CTNNA3: variants seen among roughly 807,000 people sequenced by gnomAD.
CTNNA3 encodes catenin alpha-3.
CTNNA3 carries 76 observed loss-of-function variants against 95.7 expected under a neutral mutation model. That is an observed-to-expected ratio of 0.79 (90% CI 0.66 to 0.96). CTNNA3 has a LOEUF of 0.96. Ranked by LOEUF, CTNNA3 falls within the 40% of genes least tolerant of loss-of-function variation. The pLI is 0.00. For synonymous variants in CTNNA3, 431 were observed against 374.4 expected (o/e 1.15, Z -1.74); for missense variants, 1,191 against 1,089.8 (o/e 1.09, Z -1.31).
chr10:67,375,834 C>T (rs913673791), intron 5 of CTNNA3, among the ~76,000 whole-genome samples: 4 of 152,090 alleles, frequency 2.6e-5, no homozygotes, highest in Admixed American at 1.3e-4. Flanking sequence ...AGGGTGGCTG[C>T]CAACAACAGA....
intron 7 of CTNNA3, among the ~76,000 whole-genome samples, chr10:66,811,383 T>C (rs1004534056): frequency 6.6e-6 from 1 of 152,100 alleles, no homozygotes. Context: ...GGAAAAGAAA[T>C]AGAATCACAG....
chr10:66,464,147 G>C (rs536035196), intron 11 of CTNNA3, among the ~76,000 whole-genome samples: 1 of 152,090 alleles, frequency 6.6e-6, no homozygotes, highest in African/African-American at 2.4e-5. Flanking sequence ...TAAATCCCTA[G>C]GGAACTTTAA....
chr10:67,367,981 G>A (rs1003971961), intron 5 of CTNNA3, among the ~76,000 whole-genome samples: 2 of 152,024 alleles, frequency 1.3e-5, no homozygotes, highest in African/African-American at 2.4e-5. Context: ...CCAAATCTCA[G>A]CATCACACAA....
chr10:67,524,147 T>G (rs1047909870), intron 4 of CTNNA3, among the ~76,000 whole-genome samples: 2 of 152,162 alleles, frequency 1.3e-5, no homozygotes, highest in African/African-American at 4.8e-5. Context: ...CTCACGCCTG[T>G]AATCCCAGCA....
intron 15 of CTNNA3, among the ~76,000 whole-genome samples, chr10:66,014,694 T>C (rs543919978): frequency 7.9e-5 from 12 of 152,296 alleles, no homozygotes; most frequent in African/African-American, 2.6e-4. Context: ...AAATACTTTT[T>C]ACAACTAAGA....
rs930423349 is a variant in CTNNA3, at chr10:66,349,400, C to T, written c.1732+29752G>A. Among the ~76,000 whole-genome samples, 20 of 152,164 alleles carry T rather than the reference C, an allele frequency of 1.3e-4. No individual in the cohort carries two copies. In the South Asian group the frequency reaches 2.9e-3, roughly 22 times the overall value. The stretch of plus-strand genomic sequence containing the variant: ...CAATCAGAGGACACAGTAAGCCATG[C>T]CTGGATTTCTGACACACAAAAACCC... On this transcript the variant is annotated intron_variant, in intron 12 of 17. Transcript: ENST00000433211.
chr10:66,731,046 T>G (rs1848944357), intron 9 of CTNNA3, among the ~76,000 whole-genome samples: 1 of 152,192 alleles, frequency 6.6e-6, no homozygotes, highest in African/African-American at 2.4e-5. Flanking sequence ...TATGGATCAG[T>G]CAAGGGCCAA....
At chr10:66,770,393 A>G (rs1840041777) in intron 8 of CTNNA3, among the ~76,000 whole-genome samples, 1 of 152,210 alleles carries the variant, frequency 6.6e-6, no homozygotes. Context: ...AGAATGCAAT[A>G]TGCCAATATA....
chr10:67,754,470 A>C (rs1282178561), intron 1 of CTNNA3, among the ~76,000 whole-genome samples: 1 of 152,154 alleles, frequency 6.6e-6, no homozygotes, highest in Admixed American at 6.6e-5. Flanking sequence ...AATAAAATAA[A>C]ATTTAAAAAA....
At chr10:66,909,562 T>TGAAATTTCCTTCAGAACAG (rs1745269269) in intron 7 of CTNNA3, among the ~76,000 whole-genome samples, 1 of 151,978 alleles carries the variant, frequency 6.6e-6, no homozygotes, top group Admixed American at 6.6e-5. Flanking sequence ...CGGACACAAA[T>TGAAATTTCCTTCAGAACAG]GAAATTTCCT....
chr10:66,100,998 A>C (rs2081603391), intron 14 of CTNNA3, among the ~76,000 whole-genome samples: 1 of 152,218 alleles, frequency 6.6e-6, no homozygotes, highest in African/African-American at 2.4e-5. Flanking sequence ...CATTCTAAAA[A>C]GAGCCTTAAT....
intron 5 of CTNNA3, among the ~76,000 whole-genome samples, chr10:67,280,169 G>C (rs1472721610): frequency 6.7e-6 from 1 of 150,186 alleles, no homozygotes; most frequent in East Asian, 1.9e-4. Context: ...TCCAAGCACA[G>C]AGTGGAACCC....
chr10:66,673,025 A>T (rs1245112566), intron 9 of CTNNA3, among the ~76,000 whole-genome samples: 1 of 152,102 alleles, frequency 6.6e-6, no homozygotes, highest in Non-Finnish European at 1.5e-5. Context: ...CTGGGCCTTA[A>T]ATTCCATTTC....
intron 7 of CTNNA3, among the ~76,000 whole-genome samples, chr10:67,085,709 A>G (rs1162877249): frequency 1.3e-5 from 2 of 152,144 alleles, no homozygotes; most frequent in Admixed American, 1.3e-4. Context: ...AAATGTAAAT[A>G]CATAGACTTG....
intron 13 of CTNNA3, among the ~76,000 whole-genome samples, chr10:66,144,899 C>G (rs1013141277): frequency 6.6e-6 from 1 of 152,152 alleles, no homozygotes; most frequent in African/African-American, 2.4e-5. Flanking sequence ...TATCCACTCC[C>G]CTTCCACATA....
intron 7 of CTNNA3, among the ~76,000 whole-genome samples, chr10:67,078,223 T>A (rs1395924271): frequency 6.6e-6 from 1 of 152,194 alleles, no homozygotes; most frequent in African/African-American, 2.4e-5. Flanking sequence ...CAAATGGGCA[T>A]GAAGAGTGAT....
chr10:67,753,376 AAAATC>A (rs1841417432), intron 1 of CTNNA3, among the ~76,000 whole-genome samples: 1 of 152,198 alleles, frequency 6.6e-6, no homozygotes, highest in Non-Finnish European at 1.5e-5. Context: ...ACCCTAGAAA[AAAATC>A]TAGGCAACAC....
intron 7 of CTNNA3, among the ~76,000 whole-genome samples, chr10:67,057,021 T>A (rs891214370): frequency 1.3e-5 from 2 of 152,194 alleles, no homozygotes; most frequent in East Asian, 3.9e-4. Flanking sequence ...TCACAGTCAT[T>A]AAGCACTACA....
Position 67,219,760 on chromosome 10 carries a change from A to G in CTNNA3, c.690T>C (p.Asp230=). Residue 230 remains aspartate (D), a synonymous_variant, in exon 6 of 18, where the codon GAT becomes GAC. Coordinates refer to ENST00000433211, the MANE Select transcript of CTNNA3 (RefSeq NM_013266.4). ...SICSACLEHS[D]VASLKASKDT... Reference sequence around the variant, plus strand: ...CCTTGCTTGCTTTGAGGGAAGCAACATCAGAATGCTCCAAACAAGCTGAAC... The same window carrying G: ...CCTTGCTTGCTTTGAGGGAAGCAACGTCAGAATGCTCCAAACAAGCTGAAC... 6.2e-7 allele frequency: 1 copy of G among 1,614,140 alleles called. No homozygotes were observed. Among genetic ancestry groups the G allele is most frequent in the Middle Eastern group, 1.6e-4 (1 of 6,062 alleles).
Sources: gnomAD v4.1 joint callset for allele counts (sites outside exome capture counted in the v4.1 genomes callset) on GRCh38, gnomAD v4.1.1 for gene constraint, MANE v1.5 for transcripts, NCBI Gene and HGNC (gene_info 2026-07-23, HGNC 2026-07-21) for gene names.